LRSAM1: variants seen among roughly 807,000 people sequenced by gnomAD.
LRSAM1 encodes the protein leucine rich repeat and sterile alpha motif containing 1.
In LRSAM1, 96 loss-of-function variants were observed where a neutral mutation model predicts 118.1. The ratio of observed to expected loss-of-function variants is 0.81; its 90% confidence interval spans 0.69 to 0.96. The LOEUF (loss-of-function observed/expected upper bound fraction) is 0.96. Ranked by LOEUF, LRSAM1 falls within the 40% of genes least tolerant of loss-of-function variation. The probability of loss-of-function intolerance (pLI) is 0.00; values close to 1 mark genes in which losing one functional copy is unlikely to be tolerated. For synonymous variants in LRSAM1, 322 were observed against 364.2 expected (o/e 0.88, Z 1.32); for missense variants, 804 against 915.5 (o/e 0.88, Z 1.57).
intron 22 of LRSAM1, 137 bp from the exon 23 acceptor site, chr9:127,495,827 A>T: frequency 7.7e-7 from 1 of 1,296,022 alleles, no homozygotes; most frequent in Non-Finnish European, 1.1e-6. Flanking sequence ...CTGTGTGCCT[A>T]CCTATGAGTT....
Position 127,496,036 on chromosome 9 carries a change from G to A in LRSAM1, c.1771G>A (p.Ala591Thr), listed in dbSNP as rs1836127808. The A allele has an allele frequency of 6.2e-7, 1 of 1,612,282 alleles. No individual in the cohort carries two copies. The highest frequency in any genetic ancestry group is 1.7e-5 in the Admixed American group (1 of 59,992). Reference sequence around the variant, plus strand: ...GGCTGAGCACTACCTGCCCATCTTTGCGCACCACCGCCTCTCACTGGACCT... The same window carrying A: ...GGCTGAGCACTACCTGCCCATCTTTACGCACCACCGCCTCTCACTGGACCT... Reference protein sequence around the residue: ...LSAEHYLPIFAHHRLSLDLLS... With the variant: ...LSAEHYLPIFTHHRLSLDLLS... The change falls in exon 23 of 26, where the codon GCG becomes ACG. Residue 591 changes from alanine to threonine, a missense_variant. Coordinates refer to ENST00000300417, the MANE Select transcript of LRSAM1 (RefSeq NM_001005373.4).
chr9:127,454,501 T>A lies in LRSAM1; in HGVS notation c.-27T>A. ...ACTTCTCTCCTGTGCCCCAGGGTCC[T>A]AAAGATCGCTCTGGGAAAAGGGAAG... On this transcript the variant is annotated 5_prime_UTR_variant, in exon 3 of 26. Transcript: ENST00000300417. The A allele has an allele frequency of 6.2e-7, 1 of 1,613,934 alleles. No homozygotes were observed. The highest frequency in any genetic ancestry group is 1.1e-5 in the South Asian group (1 of 91,012).
At position 127,487,702 on chromosome 9, in the gene LRSAM1, A is replaced by G. The variant is rs753897147; in HGVS notation, c.1286A>G (p.Gln429Arg). The G allele has an allele frequency of 4.3e-6, 7 of 1,613,852 alleles. No homozygotes were observed. The South Asian group carries it at 7.7e-5, about 18-fold the overall frequency. Residue 429 changes from glutamine (Q) to arginine (R), a missense_variant, in exon 18 of 26, where the codon CAG becomes CGG. Transcript: ENST00000300417. ...SSMAEMDERFQQILSWQQMDQ... is the reference protein window; with the variant it reads ...SSMAEMDERFRQILSWQQMDQ... ...ATGGCCGAAATGGATGAACGATTCC[A>G]GCAGATTCTGTCGTGGCAGCAAATG...
chr9:127,463,264 G>A (rs1314505858), intron 9 of LRSAM1, among the ~76,000 whole-genome samples: 2 of 151,978 alleles, frequency 1.3e-5, no homozygotes, highest in Non-Finnish European at 2.9e-5. Context: ...AGGTGCAGGA[G>A]GCAGGTGGTG....
intron 14 of LRSAM1, 120 bp from the exon 15 acceptor site, chr9:127,481,063 A>T: frequency 1.0e-6 from 1 of 986,234 alleles, no homozygotes; most frequent in Non-Finnish European, 1.6e-6. Flanking sequence ...CCAGAGCTTC[A>T]AGGTGGTGGA....
At chr9:127,498,611 G>C (rs117155357) in intron 24 of LRSAM1, among the ~76,000 whole-genome samples, 20 of 152,330 alleles carry the variant, frequency 1.3e-4, no homozygotes, top group Non-Finnish European at 2.8e-4. Flanking sequence ...TGCAGAAAAC[G>C]GATGCCTGGG....
chr9:127,488,556 C>G (rs1286442260), intron 18 of LRSAM1, among the ~76,000 whole-genome samples: 2 of 151,808 alleles, frequency 1.3e-5, no homozygotes, highest in African/African-American at 2.4e-5. Context: ...GACACCGTGC[C>G]CAGCCTGTTT....
chr9:127,472,415 G>A (rs1835206853), intron 10 of LRSAM1, among the ~76,000 whole-genome samples: 1 of 151,964 alleles, frequency 6.6e-6, no homozygotes, highest in South Asian at 2.1e-4. Flanking sequence ...ACCAAGGCTG[G>A]CAGATCCCCT....
intron 6 of LRSAM1, among the ~76,000 whole-genome samples, chr9:127,457,998 A>C (rs1267566251): frequency 7.4e-5 from 11 of 147,984 alleles, no homozygotes; most frequent in African/African-American, 2.5e-4. Context: ...TTTGCACCTG[A>C]GTTTGGTTGA....
intron 16 of LRSAM1, among the ~76,000 whole-genome samples, chr9:127,484,819 T>C (rs903130577): frequency 4.0e-5 from 6 of 149,636 alleles, no homozygotes; most frequent in Non-Finnish European, 8.9e-5. Flanking sequence ...TCTTTTTTTT[T>C]TTTTTTTGAG....
At chr9:127,471,471 A>AT (rs1835164599) in intron 10 of LRSAM1, among the ~76,000 whole-genome samples, 2 of 54,110 alleles carry the variant, frequency 3.7e-5, no homozygotes, top group African/African-American at 7.3e-5. Flanking sequence ...ACCTTATGTT[A>AT]TAAAAAAAAA....
chr9:127,455,045 G>A lies in LRSAM1; in HGVS notation c.120G>A (p.Glu40=), dbSNP rs775125689. The change falls in exon 4 of 26, where the codon GAG becomes GAA. Residue 40 remains glutamate, a synonymous_variant. Transcript: ENST00000300417. ...ADDILDISKC[E]LSEIPFGAFA... ...ACATTCTCGACATCTCTAAATGTGA[G>A]CTCTCAGAGGTAAACTGAGGATAGT... The A allele has an allele frequency of 4.3e-6, 7 of 1,614,136 alleles. No homozygotes were observed. In the Admixed American group the frequency reaches 1.0e-4, roughly 23 times the overall value.
chr9:127,455,158 GA>G, intron 4 of LRSAM1, 104 bp downstream of exon 4: 2 of 1,123,060 alleles, frequency 1.8e-6, no homozygotes, highest in Non-Finnish European at 2.7e-6. Flanking sequence ...AGAAAGGCCA[GA>G]AGCTCTAGTC....
At chr9:127,457,743 T>A (rs545100438) in intron 6 of LRSAM1, among the ~76,000 whole-genome samples, 10 of 152,262 alleles carry the variant, frequency 6.6e-5, no homozygotes, top group African/African-American at 2.4e-4. Context: ...CTGCTGACTG[T>A]GAGCTCCTCC....
intron 25 of LRSAM1, 94 bp from the exon 26 acceptor site, chr9:127,502,680 C>G: frequency 7.5e-7 from 1 of 1,340,548 alleles, no homozygotes; most frequent in Non-Finnish European, 9.9e-7. Context: ...GAGTGAGACT[C>G]TGTCTCAAAA....
At position 127,503,095 on chromosome 9, in the gene LRSAM1, C is replaced by T; in HGVS notation, c.*196C>T. 1 of 699,078 alleles carries T rather than the reference C, an allele frequency of 1.4e-6. No homozygotes were observed. The highest frequency in any genetic ancestry group is 1.8e-5 in the South Asian group (1 of 56,194). 43.3% of individuals were successfully genotyped at this position (699,078 alleles called of 1,614,324 possible). On this transcript the variant is annotated 3_prime_UTR_variant, in exon 26 of 26. Transcript: ENST00000300417. ...GCAGAGGTGCTCCTCATCCATGACA[C>T]CACCAGTCTGAATGGTCCTGGGGGC...
At position 127,461,245 on chromosome 9, in the gene LRSAM1, C is replaced by T; in HGVS notation, c.394C>T (p.Leu132Phe). 6.2e-7 allele frequency: 1 copy of T among 1,611,784 alleles called. No homozygotes were observed. Among genetic ancestry groups the T allele is most frequent in the Non-Finnish European group, 8.5e-7 (1 of 1,178,344 alleles). ...TGGGAACCTGACCCAGCTCCAGACTCTCAATGTTAAAGGTAGGGACCAAGA... is the reference window on the plus strand; with the variant it reads ...TGGGAACCTGACCCAGCTCCAGACTTTCAATGTTAAAGGTAGGGACCAAGA... ...SIGNLTQLQT[L>F]NVKDNKLKEL... The change falls in exon 8 of 26, where the codon CTC (leucine) becomes TTC (phenylalanine). Residue 132 changes from leucine (L) to phenylalanine (F), a missense_variant. Coordinates refer to ENST00000300417, the MANE Select transcript of LRSAM1 (RefSeq NM_001005373.4).
Position 127,487,783 on chromosome 9 carries a change from C to T in LRSAM1, c.1347+20C>T, listed in dbSNP as rs766326390. 1.7e-5 allele frequency: 28 copies of T among 1,607,288 alleles called. No individual in the cohort carries two copies. Among genetic ancestry groups the T allele is most frequent in the African/African-American group, 9.4e-5 (7 of 74,776 alleles). ...CAGGAGGTGAGCCCTCGCCCAGAGC[C>T]TGAGGGTGGGAGCTCAGGAGGGAGG... On this transcript the variant is annotated intron_variant, in intron 18 of 25. Coordinates refer to ENST00000300417, the MANE Select transcript of LRSAM1 (RefSeq NM_001005373.4).
chr9:127,479,606 G>T, intron 13 of LRSAM1, 101 bp downstream of exon 13: 1 of 1,536,600 alleles, frequency 6.5e-7, no homozygotes. Context: ...GCAGTGGGAT[G>T]AAGCTGTCAC....
Sources: gnomAD v4.1 joint callset for allele counts (sites outside exome capture counted in the v4.1 genomes callset) on GRCh38, gnomAD v4.1.1 for gene constraint, MANE v1.5 for transcripts, NCBI Gene and HGNC (gene_info 2026-07-23, HGNC 2026-07-21) for gene names.